Variants in DPP10 observed in about 807,000 individuals in gnomAD.
The protein encoded by DPP10 is dipeptidyl peptidase like 10, also known as inactive dipeptidyl peptidase 10.
A neutral mutation model predicts 120.9 loss-of-function variants in DPP10; 33 were observed. The observed-to-expected ratio is 0.27, with a 90% CI of 0.21 to 0.37. The LOEUF (loss-of-function observed/expected upper bound fraction) is 0.37, where lower values mean the gene tolerates loss of function less well. Ranked by LOEUF, DPP10 falls within the 10% of genes least tolerant of loss-of-function variation. The pLI is 1.00. For synonymous variants in DPP10, 337 were observed against 326.1 expected, an observed-to-expected ratio of 1.03 and a Z score of -0.36; for missense variants, 816 against 942.8, an observed-to-expected ratio of 0.87 and a Z score of 1.76.
At chr2:114,662,101 G>C (rs1697456109) in intron 1 of DPP10, among the ~76,000 whole-genome samples, 1 of 152,130 alleles carries the variant, frequency 6.6e-6, no homozygotes, top group Non-Finnish European at 1.5e-5. Context: ...TAGCAGGGCT[G>C]GAAAGGCCTC....
rs778196787 is a variant in DPP10, at chr2:115,739,945, A to C, written c.852+52A>C. 4 of 1,581,806 alleles carry C rather than the reference A, an allele frequency of 2.5e-6. No homozygotes were observed. The Admixed American group carries it at 5.1e-5, about 20-fold the overall frequency. On this transcript the variant is annotated intron_variant, in intron 9 of 25. Coordinates refer to ENST00000410059, the MANE Select transcript of DPP10 (RefSeq NM_020868.6). ...TTCCTTCTCTCTCTCTGCACTAGTG[A>C]CTTGACAGATGGTATTCTTGGTTCT...
chr2:114,499,249 T>C (rs191056909), intron 1 of DPP10, among the ~76,000 whole-genome samples: 196 of 152,306 alleles, frequency 1.3e-3, no homozygotes, highest in African/African-American at 4.4e-3. Context: ...CCAGGGCACA[T>C]GCTCACTCCT....
At chr2:115,403,539 A>C (rs2068275036) in intron 3 of DPP10, among the ~76,000 whole-genome samples, 1 of 152,068 alleles carries the variant, frequency 6.6e-6, no homozygotes, top group East Asian at 1.9e-4. Context: ...AGCTGGGACT[A>C]CAGGCACCTG....
chr2:115,288,255 T>A (rs999338514), intron 1 of DPP10, among the ~76,000 whole-genome samples: 5 of 152,134 alleles, frequency 3.3e-5, no homozygotes, highest in African/African-American at 1.2e-4. Flanking sequence ...TGTTGTGGTT[T>A]TAATTTGCAT....
At chr2:115,409,120 A>G (rs990383260) in intron 3 of DPP10, among the ~76,000 whole-genome samples, 1 of 152,152 alleles carries the variant, frequency 6.6e-6, no homozygotes, top group African/African-American at 2.4e-5. Context: ...CAAATTGGGA[A>G]TGTGAAAGGA....
In DPP10 at chr2:115,125,541, C is replaced by A. The variant is rs191557146; in HGVS notation, c.61-183698C>A. On this transcript the variant is annotated intron_variant, in intron 1 of 25. Transcript: ENST00000410059. The stretch of plus-strand genomic sequence containing the variant: ...TTTCTTTGCTTCCTCAAATAGTGAG[C>A]CACCTAAGTTCAATAGATCATAATG... Among the ~76,000 whole-genome samples the A allele has an allele frequency of 1.9e-3, 291 of 150,158 alleles. 2 individuals carry two copies. The highest frequency in any genetic ancestry group is 6.7e-3 in the African/African-American group (274 of 40,904).
intron 3 of DPP10, among the ~76,000 whole-genome samples, chr2:115,485,822 C>A (rs1333019953): frequency 2.6e-5 from 4 of 152,084 alleles, no homozygotes; most frequent in Non-Finnish European, 4.4e-5. Context: ...CTTTTGTCTA[C>A]ATTTTAAATA....
chr2:115,572,638 C>G (rs553586181), intron 5 of DPP10, among the ~76,000 whole-genome samples: 5 of 152,220 alleles, frequency 3.3e-5, no homozygotes, highest in Non-Finnish European at 5.9e-5. Context: ...GTCATCTGAT[C>G]TAGATAAGAG....
intron 1 of DPP10, among the ~76,000 whole-genome samples, chr2:114,807,258 G>A (rs1355381418): frequency 2.6e-5 from 4 of 152,164 alleles, no homozygotes; most frequent in African/African-American, 9.7e-5. Context: ...ACATGTAACT[G>A]TGTTGATATT....
At chr2:114,730,053 A>G (rs1304377479) in intron 1 of DPP10, among the ~76,000 whole-genome samples, 1 of 152,232 alleles carries the variant, frequency 6.6e-6, no homozygotes, top group Non-Finnish European at 1.5e-5. Flanking sequence ...ATTAAAGAGA[A>G]ATAAAACTTT....
chr2:115,523,666 T>A (rs1267362976), intron 4 of DPP10, among the ~76,000 whole-genome samples: 1 of 152,148 alleles, frequency 6.6e-6, no homozygotes, highest in Non-Finnish European at 1.5e-5. Flanking sequence ...TAATGTTGGA[T>A]ACTTTGTGTA....
In DPP10 at chr2:115,345,326, A is replaced by G. The variant is rs2063657839; in HGVS notation, c.271+1414A>G. On this transcript the variant is annotated intron_variant, in intron 3 of 25. Coordinates refer to ENST00000410059, the MANE Select transcript of DPP10 (RefSeq NM_020868.6). ...ACTGTGATTATTTCACATATACACT[A>G]TAATGAGTGCTATGACTAAAGAAGG... 3.9e-5 allele frequency among the ~76,000 whole-genome samples: 6 copies of G among 152,300 alleles called. No individual in the cohort carries two copies. The South Asian group carries it at 1.2e-3, about 32-fold the overall frequency.
intron 1 of DPP10, among the ~76,000 whole-genome samples, chr2:115,283,420 A>G (rs1250677732): frequency 6.6e-6 from 1 of 152,034 alleles, no homozygotes; most frequent in Non-Finnish European, 1.5e-5. Context: ...AATTCTTCTC[A>G]TACTAATTAT....
At chr2:115,097,222 GC>G (rs2048445829) in intron 1 of DPP10, among the ~76,000 whole-genome samples, 1 of 151,992 alleles carries the variant, frequency 6.6e-6, no homozygotes, top group African/African-American at 2.4e-5. Context: ...CCAACAGAAT[GC>G]CCCCCAAATT....
At chr2:114,529,346 C>T (rs186705225) in intron 1 of DPP10, among the ~76,000 whole-genome samples, 1 of 152,282 alleles carries the variant, frequency 6.6e-6, no homozygotes, top group East Asian at 1.9e-4. Context: ...TGCTCTTCAT[C>T]CTCTAGAGAG....
chr2:115,643,624 A>C (rs1454183641), intron 5 of DPP10, among the ~76,000 whole-genome samples: 1 of 152,240 alleles, frequency 6.6e-6, no homozygotes, highest in Non-Finnish European at 1.5e-5. Flanking sequence ...GCCCTTTTTA[A>C]ATTACAAGAA....
chr2:114,950,026 A>G (rs1443594604), intron 1 of DPP10, among the ~76,000 whole-genome samples: 1 of 152,206 alleles, frequency 6.6e-6, no homozygotes, highest in Non-Finnish European at 1.5e-5. Flanking sequence ...ATGTGACTTA[A>G]AAAAATTCTT....
chr2:115,810,641 A>T (rs888209447), intron 19 of DPP10, among the ~76,000 whole-genome samples: 1 of 152,200 alleles, frequency 6.6e-6, no homozygotes, highest in Admixed American at 6.5e-5. Flanking sequence ...TCTTAATTTG[A>T]TTCTGCTACT....
At chr2:115,697,482 TAAATC>T (rs1221747073) in intron 7 of DPP10, among the ~76,000 whole-genome samples, 5 of 151,626 alleles carry the variant, frequency 3.3e-5, no homozygotes, top group African/African-American at 4.8e-5. Context: ...GAGAGACAAA[TAAATC>T]AATACAGTAA....
Sources: allele counts gnomAD v4.1 joint callset (sites outside exome capture counted in the v4.1 genomes callset), GRCh38; gene constraint gnomAD v4.1.1; transcripts MANE v1.5; gene names NCBI Gene and HGNC (gene_info 2026-07-23, HGNC 2026-07-21).